The following STK32C variants were observed in gnomAD, a reference collection of about 807,000 sequenced individuals.
The protein encoded by STK32C is serine/threonine kinase 32C.
Under a neutral mutation model 56.5 loss-of-function variants are expected in STK32C, and 31 were observed. The ratio of observed to expected loss-of-function variants is 0.55; its 90% CI spans 0.41 to 0.74. The LOEUF (loss-of-function observed/expected upper bound fraction) is 0.74, where lower values mean the gene tolerates loss of function less well. Among genes scored for constraint, STK32C ranks in the 30% least tolerant of loss-of-function variants. STK32C has a pLI of 0.00. For synonymous variants in STK32C, 309 were observed against 289.4 expected (o/e 1.07, Z -0.69); for missense variants, 544 against 676.9 (o/e 0.80, Z 2.18).
chr10:132,219,591 G>A (rs1305283231), intron 10 of STK32C, among the ~76,000 whole-genome samples: 1 of 152,150 alleles, frequency 6.6e-6, no homozygotes, highest in Non-Finnish European at 1.5e-5. Flanking sequence ...CCAACCCCGA[G>A]AACCTTCCAA....
intron 1 of STK32C, among the ~76,000 whole-genome samples, chr10:132,258,406 G>A (rs2064195659): frequency 2.0e-5 from 3 of 152,242 alleles, no homozygotes; most frequent in Admixed American, 2.0e-4. Flanking sequence ...CGTGGCCCTG[G>A]CCGCCCCCCA....
intron 2 of STK32C, among the ~76,000 whole-genome samples, chr10:132,233,910 T>C (rs1314867047): frequency 1.3e-5 from 2 of 152,260 alleles, no homozygotes; most frequent in Non-Finnish European, 2.9e-5. Flanking sequence ...TCATGCTGGC[T>C]GGAGCCTTAC....
chr10:132,328,305 C>T (rs1354242851), intron 1 of STK32C, among the ~76,000 whole-genome samples: 2 of 151,720 alleles, frequency 1.3e-5, no homozygotes, highest in African/African-American at 4.8e-5. Flanking sequence ...GTTTTCTGCT[C>T]CTGGGTGGGT....
intron 10 of STK32C, among the ~76,000 whole-genome samples, chr10:132,210,803 G>A (rs1201065160): frequency 1.3e-5 from 2 of 152,220 alleles, no homozygotes; most frequent in African/African-American, 2.4e-5. Flanking sequence ...TCCCCACCCC[G>A]AGGCAGTGCC....
intron 1 of STK32C, among the ~76,000 whole-genome samples, chr10:132,295,013 C>T (rs1186752496): frequency 6.6e-6 from 1 of 152,198 alleles, no homozygotes; most frequent in African/African-American, 2.4e-5. Context: ...CTGCCCCTCT[C>T]GGTGTGGACT....
intron 1 of STK32C, among the ~76,000 whole-genome samples, chr10:132,293,506 T>A (rs2065635681): frequency 6.6e-6 from 1 of 152,208 alleles, no homozygotes; most frequent in Non-Finnish European, 1.5e-5. Context: ...GAAGGCCCTG[T>A]CATCCTTAGC....
In STK32C at chr10:132,210,995, C is replaced by T. The variant is rs187792615; in HGVS notation, c.1252-1894G>A. ...AGCGGCCAGCACCTTGCCAAGGACT[C>T]GAGAAGAAGCCGGCAGACTCCCACG... On this transcript the variant is annotated intron_variant, in intron 10 of 11. Transcript: ENST00000298630. 1.2e-3 allele frequency among the ~76,000 whole-genome samples: 186 copies of T among 152,314 alleles called. 1 individual carries two copies. The highest frequency in any genetic ancestry group is 2.0e-3 in the Non-Finnish European group (139 of 68,032).
chr10:132,296,574 G>A (rs58448349), intron 1 of STK32C, among the ~76,000 whole-genome samples: 8,345 of 152,232 alleles, frequency 0.055, 741 homozygotes, highest in African/African-American at 0.19. Context: ...GAGGTCATGT[G>A]AAAAACTACA....
chr10:132,283,064 G>A (rs1235585528), intron 1 of STK32C, among the ~76,000 whole-genome samples: 1 of 152,256 alleles, frequency 6.6e-6, no homozygotes, highest in African/African-American at 2.4e-5. Flanking sequence ...AGCCAACCCG[G>A]GGGCAGCAGA....
intron 2 of STK32C, among the ~76,000 whole-genome samples, chr10:132,232,361 G>A (rs1364311137): frequency 1.3e-5 from 2 of 152,184 alleles, no homozygotes; most frequent in South Asian, 2.1e-4. Flanking sequence ...AGAAGAGGGC[G>A]GGTCCGGCAG....
intron 1 of STK32C, among the ~76,000 whole-genome samples, chr10:132,326,850 G>C (rs1301268904): frequency 6.6e-6 from 1 of 152,208 alleles, no homozygotes; most frequent in African/African-American, 2.4e-5. Flanking sequence ...TGACAGAGAA[G>C]AGGGGTCCAT....
At chr10:132,310,753 G>A (rs1205790844), upstream of STK32C, among the ~76,000 whole-genome samples, 4 of 152,232 alleles carry the variant, frequency 2.6e-5, no homozygotes, top group African/African-American at 7.2e-5. This position sits in a 1 kb window ranked among gnomAD's most constrained non-coding sequence, Gnocchi z 4.6. Context: ...CGTCTAGCAC[G>A]CAGGAGCACA....
chr10:132,259,039 G>A (rs766529599), intron 1 of STK32C, among the ~76,000 whole-genome samples: 7 of 126,250 alleles, frequency 5.5e-5, no homozygotes, highest in African/African-American at 1.9e-4. Flanking sequence ...CTGCTGCACC[G>A]GGTACTGGGG....
intron 10 of STK32C, among the ~76,000 whole-genome samples, chr10:132,220,824 C>T (rs1389043177): frequency 6.6e-6 from 1 of 152,230 alleles, no homozygotes; most frequent in African/African-American, 2.4e-5. Flanking sequence ...AGCTCACATT[C>T]TGGTGAGACC....
chr10:132,293,410 T>C (rs1394117842), intron 1 of STK32C, among the ~76,000 whole-genome samples: 1 of 152,252 alleles, frequency 6.6e-6, no homozygotes, highest in East Asian at 1.9e-4. Context: ...CTCCAGCCCC[T>C]GGTGGCTGCA....
Position 132,225,184 on chromosome 10 carries a change from G to A in STK32C, c.876+49C>T, listed in dbSNP as rs750884976. 3 of 1,483,424 alleles carry A rather than the reference G, an allele frequency of 2.0e-6. No homozygotes were observed. In the African/African-American group the frequency reaches 4.2e-5, roughly 21 times the overall value. 91.9% of individuals were successfully genotyped at this position (1,483,424 alleles called of 1,614,324 possible). ...CCCCTCCCCAGCACTGGTGGGGGCA[G>A]AGAGCAGGGGCCTGGCAGCCAAGCC... On this transcript the variant is annotated intron_variant, in intron 7 of 11. Transcript: ENST00000298630.
At chr10:132,320,480 C>A (rs12248361), downstream of STK32C, among the ~76,000 whole-genome samples, 527 of 151,948 alleles carry the variant, frequency 3.5e-3, 1 homozygote, top group African/African-American at 0.012. Context: ...CACAGGAGAC[C>A]CGTCTATAAT....
chr10:132,238,840 AAC>A (rs1333522763), intron 2 of STK32C, among the ~76,000 whole-genome samples: 1 of 151,980 alleles, frequency 6.6e-6, no homozygotes, highest in Non-Finnish European at 1.5e-5. Context: ...ACACACACGC[AAC>A]ACACAGACAT....
intron 10 of STK32C, among the ~76,000 whole-genome samples, chr10:132,220,801 C>T (rs187008827): frequency 3.9e-5 from 6 of 152,322 alleles, no homozygotes; most frequent in Non-Finnish European, 5.9e-5. Context: ...GACAAGGCCA[C>T]GACCTCAATG....
Sources: allele counts gnomAD v4.1 joint callset (sites outside exome capture counted in the v4.1 genomes callset), GRCh38; gene constraint gnomAD v4.1.1; non-coding constraint Gnocchi (gnomAD v3.1); transcripts MANE v1.5; gene names NCBI Gene and HGNC (gene_info 2026-07-23, HGNC 2026-07-21).